The following LGR6 variants were observed in gnomAD, a reference collection of about 807,000 sequenced individuals.
LGR6 encodes leucine-rich repeat-containing G protein-coupled receptor 6.
In LGR6, 45 loss-of-function variants were observed where a neutral mutation model predicts 69.4. The observed-to-expected ratio is 0.65, with a 90% CI of 0.51 to 0.83. The LOEUF (loss-of-function observed/expected upper bound fraction) is 0.83. Ranked by LOEUF, LGR6 falls within the 40% of genes least tolerant of loss-of-function variation. The pLI is 0.00. For synonymous variants in LGR6, 538 were observed against 555.0 expected, an observed-to-expected ratio of 0.97 and a Z score of 0.43; for missense variants, 1,108 against 1,246.7, an observed-to-expected ratio of 0.89 and a Z score of 1.68.
At position 202,193,957 on chromosome 1, in the gene LGR6, G is replaced by A; in HGVS notation, c.-33G>A. 7.8e-7 allele frequency: 1 copy of A among 1,283,508 alleles called. No individual in the cohort carries two copies. The highest frequency in any genetic ancestry group is 9.9e-7 in the Non-Finnish European group (1 of 1,011,608). 79.5% of individuals were successfully genotyped at this position (1,283,508 alleles called of 1,614,324 possible). ...CCATCGCGCCGTGCGTCCGCGCCCGGCCGCCAGGTGCCCCAGTAGCCCGAC... is the reference window on the plus strand; with the variant it reads ...CCATCGCGCCGTGCGTCCGCGCCCGACCGCCAGGTGCCCCAGTAGCCCGAC... On this transcript the variant is annotated 5_prime_UTR_variant, in exon 1 of 18. Coordinates refer to ENST00000367278, the MANE Select transcript of LGR6 (RefSeq NM_001017403.2).
rs546675383 is a variant in LGR6 at position 202,235,081 on chromosome 1, G to A, written c.357-841G>A. Among the ~76,000 whole-genome samples the A allele has an allele frequency of 4.6e-5, 7 of 152,240 alleles. 1 individual carries two copies. Among genetic ancestry groups the A allele is most frequent in the East Asian group, 1.9e-4 (1 of 5,188 alleles). On this transcript the variant is annotated intron_variant, in intron 3 of 17. Coordinates refer to ENST00000367278, the MANE Select transcript of LGR6 (RefSeq NM_001017403.2). ...GCCTCAGGGGACTCCCTGCGCTTTC[G>A]AGTGCTATCCTCAAAACTTTCTAAG...
chr1:202,248,127 C>T (rs1248148152), intron 4 of LGR6, among the ~76,000 whole-genome samples: 1 of 152,238 alleles, frequency 6.6e-6, no homozygotes, highest in Non-Finnish European at 1.5e-5. Context: ...CACCAGGCTC[C>T]TTCCCTGGCC....
Position 202,318,269 on chromosome 1 carries a change from T to C in LGR6, c.1966T>C (p.Ser656Pro). The stretch of plus-strand genomic sequence containing the variant: ...CCTGGCAGTACTTGGGTCGGAGGCA[T>C]CGGTGCTGCTGCTCACTCTGGCCGC... The part of the protein sequence containing the change: ...GFLAVLGSEA[S>P]VLLLTLAAVQ... The change falls in exon 18 of 18, where the codon TCG becomes CCG. Residue 656 changes from serine to proline, a missense_variant. Coordinates refer to ENST00000367278, the MANE Select transcript of LGR6 (RefSeq NM_001017403.2). The C allele has an allele frequency of 6.2e-7, 1 of 1,607,380 alleles. No homozygotes were observed. The highest frequency in any genetic ancestry group is 8.5e-7 in the Non-Finnish European group (1 of 1,176,364).
intron 3 of LGR6, among the ~76,000 whole-genome samples, chr1:202,230,019 T>C (rs1660885571): frequency 6.6e-6 from 1 of 152,140 alleles, no homozygotes; most frequent in African/African-American, 2.4e-5. Flanking sequence ...AGCACCATGA[T>C]AATGACAACC....
chr1:202,285,987 T>C (rs1342663168), intron 6 of LGR6, among the ~76,000 whole-genome samples: 6 of 152,194 alleles, frequency 3.9e-5, no homozygotes, highest in African/African-American at 1.4e-4. Context: ...TCCAATCTCT[T>C]ACTCTATCTT....
intron 4 of LGR6, among the ~76,000 whole-genome samples, chr1:202,238,411 CCTTTTTT>C (rs1223011368): frequency 1.9e-5 from 2 of 106,858 alleles, no homozygotes; most frequent in African/African-American, 3.4e-5. Context: ...CCAGCCTGAT[CCTTTTTT>C]TTTTTTTTTT....
In LGR6 at chr1:202,280,970, C is replaced by T. The variant is rs1665959759; in HGVS notation, c.716+118C>T. 5.7e-6 allele frequency: 5 copies of T among 879,900 alleles called. No individual in the cohort carries two copies. In the South Asian group the frequency reaches 8.4e-5, roughly 15 times the overall value. The allele number at this position is 879,900 out of a possible 1,614,324, so 54.5% of individuals were successfully genotyped here. ...CAGTCCTGGGATGCTGGGGTCTGGC[C>T]CCGGGCTTGTTTACCCACATGCCCC... On this transcript the variant is annotated intron_variant, in intron 6 of 17. Transcript: ENST00000367278.
intron 4 of LGR6, among the ~76,000 whole-genome samples, chr1:202,245,665 G>C (rs77766907): frequency 2.0e-5 from 3 of 152,132 alleles, no homozygotes; most frequent in Non-Finnish European, 4.4e-5. Context: ...AGAGTACCCC[G>C]GGTGTTGCGA....
At chr1:202,314,104 A>G (rs1653952079) in intron 16 of LGR6, among the ~76,000 whole-genome samples, 2 of 152,176 alleles carry the variant, frequency 1.3e-5, no homozygotes, top group South Asian at 4.2e-4. Context: ...CTTGTTAGGA[A>G]GTAGTAGAGT....
chr1:202,250,852 A>T (rs1439594088), intron 4 of LGR6, among the ~76,000 whole-genome samples: 2 of 152,240 alleles, frequency 1.3e-5, no homozygotes, highest in Non-Finnish European at 2.9e-5. Context: ...TCAGTAACAC[A>T]CAATCTGTAA....
intron 1 of LGR6, among the ~76,000 whole-genome samples, chr1:202,194,992 C>G (rs1335707341): frequency 6.6e-6 from 1 of 152,142 alleles, no homozygotes; most frequent in Non-Finnish European, 1.5e-5. Context: ...TGGGAGCTTC[C>G]CCTCAGAGCT....
chr1:202,266,762 A>G (rs908531202), intron 4 of LGR6, among the ~76,000 whole-genome samples: 4 of 152,068 alleles, frequency 2.6e-5, no homozygotes, highest in African/African-American at 9.7e-5. Context: ...CAAGACTCAC[A>G]TGAATGTCCC....
intron 5 of LGR6, among the ~76,000 whole-genome samples, chr1:202,277,621 G>C (rs1418297804): frequency 1.3e-5 from 2 of 152,140 alleles, no homozygotes; most frequent in African/African-American, 4.8e-5. Context: ...ATAAGAAGGA[G>C]CAGGCATTTA....
At chr1:202,225,399 CT>C in intron 1 of LGR6, 23 bp from the exon 2 acceptor site, 3 of 1,611,218 alleles carry the variant, frequency 1.9e-6, no homozygotes, top group Non-Finnish European at 2.5e-6. Context: ...TTCACAGCTC[CT>C]TTTTCCATCT....
Position 202,318,252 on chromosome 1 carries a change from T to C in LGR6, c.1949T>C (p.Val650Ala), listed in dbSNP as rs751783034. ...TGCCGGGCCACTGGCTTCCTGGCAG[T>C]ACTTGGGTCGGAGGCATCGGTGCTG... Reference protein sequence around the residue: ...LGCRATGFLAVLGSEASVLLL... With the variant: ...LGCRATGFLAALGSEASVLLL... Residue 650 changes from valine (V) to alanine (A), a missense_variant, in exon 18 of 18, where the codon GTA becomes GCA. Val to Ala is a moderately conservative substitution (Grantham distance 64). Coordinates refer to ENST00000367278, the MANE Select transcript of LGR6 (RefSeq NM_001017403.2). 6.2e-7 allele frequency: 1 copy of C among 1,611,090 alleles called. No individual in the cohort carries two copies. Among genetic ancestry groups the C allele is most frequent in the Non-Finnish European group, 8.5e-7 (1 of 1,178,738 alleles).
intron 1 of LGR6, among the ~76,000 whole-genome samples, chr1:202,220,709 A>G (rs1247750650): frequency 8.6e-6 from 1 of 115,612 alleles, no homozygotes; most frequent in Non-Finnish European, 1.9e-5. Context: ...GAGTGATCAT[A>G]TGCAAAATAC....
intron 14 of LGR6, among the ~76,000 whole-genome samples, chr1:202,308,815 G>A (rs926219494): frequency 2.0e-5 from 3 of 152,184 alleles, no homozygotes; most frequent in African/African-American, 7.2e-5. Context: ...AGTTGGCACC[G>A]TTATGTATTG....
chr1:202,205,745 C>T (rs989276834), intron 1 of LGR6, among the ~76,000 whole-genome samples: 1 of 149,242 alleles, frequency 6.7e-6, no homozygotes, highest in Non-Finnish European at 1.5e-5. Context: ...CACACACACA[C>T]CTCCTTCAAA....
chr1:202,222,473 G>A (rs1660228214), intron 1 of LGR6, among the ~76,000 whole-genome samples: 1 of 152,178 alleles, frequency 6.6e-6, no homozygotes, highest in South Asian at 2.1e-4. Flanking sequence ...CCCCTGGGGG[G>A]ACAGCTGAGT....
Sources: allele counts gnomAD v4.1 joint callset (sites outside exome capture counted in the v4.1 genomes callset), GRCh38; gene constraint gnomAD v4.1.1; transcripts MANE v1.5; gene names NCBI Gene and HGNC (gene_info 2026-07-23, HGNC 2026-07-21).